The following LRRC4C variants were observed in gnomAD, a reference collection of about 807,000 sequenced individuals.
LRRC4C encodes the protein leucine-rich repeat-containing protein 4C.
LRRC4C carries 5 observed loss-of-function variants against 33.6 expected under a neutral mutation model. The ratio of observed to expected loss-of-function variants is 0.15; its 90% CI spans 0.08 to 0.31. LRRC4C has a LOEUF of 0.31. Ranked by LOEUF, LRRC4C falls within the 10% of genes least tolerant of loss-of-function variation. The pLI, the probability that LRRC4C is intolerant of heterozygous loss-of-function variation, is 1.00. For synonymous variants in LRRC4C, 329 were observed against 302.0 expected (o/e 1.09, Z -0.93); for missense variants, 560 against 796.7 (o/e 0.70, Z 3.58).
intron 3 of LRRC4C, among the ~76,000 whole-genome samples, chr11:40,600,220 G>A (rs1959843653): frequency 6.6e-6 from 1 of 152,134 alleles, no homozygotes; most frequent in South Asian, 2.1e-4. Context: ...TTTCTTAACT[G>A]CTTACTGTGT....
chr11:40,724,181 A>C (rs1187295300), intron 2 of LRRC4C, among the ~76,000 whole-genome samples: 1 of 152,216 alleles, frequency 6.6e-6, no homozygotes, highest in Non-Finnish European at 1.5e-5. Flanking sequence ...AACCCCACTG[A>C]CAGCGTTAGA....
intron 3 of LRRC4C, among the ~76,000 whole-genome samples, chr11:40,380,195 T>C (rs1948811496): frequency 6.6e-6 from 1 of 151,486 alleles, no homozygotes; most frequent in Non-Finnish European, 1.5e-5. Context: ...GAGTAGGGAG[T>C]TTTAAGGAAA....
chr11:41,036,852 C>CG (rs1243502291), intron 1 of LRRC4C, among the ~76,000 whole-genome samples: 1 of 152,042 alleles, frequency 6.6e-6, no homozygotes, highest in Non-Finnish European at 1.5e-5. Context: ...TTTTCACTAG[C>CG]GGGGGAAGGT....
At chr11:40,631,127 T>C (rs1185424855) in intron 3 of LRRC4C, among the ~76,000 whole-genome samples, 2 of 152,222 alleles carry the variant, frequency 1.3e-5, no homozygotes, top group African/African-American at 2.4e-5. Flanking sequence ...GCACTTCCAC[T>C]GTAGAGAGAA....
At chr11:41,419,509 A>G (rs1037007509) in intron 1 of LRRC4C, among the ~76,000 whole-genome samples, 1 of 151,930 alleles carries the variant, frequency 6.6e-6, no homozygotes, top group Admixed American at 6.6e-5. Context: ...ATAAGACACC[A>G]GACAAATGGC....
chr11:41,156,608 A>C (rs1944242679), intron 1 of LRRC4C, among the ~76,000 whole-genome samples: 1 of 152,122 alleles, frequency 6.6e-6, no homozygotes, highest in African/African-American at 2.4e-5. Context: ...AAAGTGCCCT[A>C]GAGCTTATAT....
At chr11:41,373,678 T>G (rs1465864012) in intron 1 of LRRC4C, among the ~76,000 whole-genome samples, 1 of 152,164 alleles carries the variant, frequency 6.6e-6, no homozygotes. Flanking sequence ...AATTTCAGAA[T>G]TCTAAAAATA....
intron 3 of LRRC4C, among the ~76,000 whole-genome samples, chr11:40,519,987 G>C (rs1381922349): frequency 6.6e-6 from 1 of 152,148 alleles, no homozygotes; most frequent in Non-Finnish European, 1.5e-5. Context: ...ATGATACAGA[G>C]AACTCAAGAT....
chr11:40,382,684 A>ATTTT lies in LRRC4C; in HGVS notation c.-269-62967_-269-62964dup, dbSNP rs35200000. Among the ~76,000 whole-genome samples, 90 of 65,566 alleles carry ATTTT rather than the reference A, an allele frequency of 1.4e-3. 6 individuals carry two copies. The highest frequency in any genetic ancestry group is 5.4e-3 in the African/African-American group (85 of 15,672). 43.0% of individuals were successfully genotyped at this position (65,566 alleles called of 152,430 possible). ...TTTTGCACAACTAAAACTTGTACTCATTTTTTTTTTTTTTTTTTTTTTTTT... is the reference window on the plus strand; with the variant it reads ...TTTTGCACAACTAAAACTTGTACTCATTTTTTTTTTTTTTTTTTTTTTTTTTTTT... On this transcript the variant is annotated intron_variant, in intron 3 of 6. Transcript: ENST00000528697.
At chr11:40,872,353 T>C (rs1338578062) in intron 2 of LRRC4C, among the ~76,000 whole-genome samples, 1 of 151,970 alleles carries the variant, frequency 6.6e-6, no homozygotes, top group Non-Finnish European at 1.5e-5. Flanking sequence ...TGCTTGTCAA[T>C]TTAATTCTAT....
At chr11:40,373,250 C>T (rs1948529725) in intron 3 of LRRC4C, among the ~76,000 whole-genome samples, 1 of 152,028 alleles carries the variant, frequency 6.6e-6, no homozygotes, top group Non-Finnish European at 1.5e-5. Context: ...GTCTTCTTGA[C>T]CTCGGGGTAA....
At chr11:41,139,356 T>G (rs527362007) in intron 1 of LRRC4C, among the ~76,000 whole-genome samples, 2 of 152,330 alleles carry the variant, frequency 1.3e-5, no homozygotes, top group African/African-American at 4.8e-5. Context: ...AACCAAAGCA[T>G]GTCATTTGAT....
intron 1 of LRRC4C, among the ~76,000 whole-genome samples, chr11:40,975,802 T>C (rs116743994): frequency 0.014 from 2,142 of 152,298 alleles, 57 homozygotes; most frequent in African/African-American, 0.049. Context: ...TTATATAAAA[T>C]ATGTTCCCTC....
chr11:40,524,329 T>A (rs969633158), intron 3 of LRRC4C, among the ~76,000 whole-genome samples: 2 of 152,162 alleles, frequency 1.3e-5, no homozygotes, highest in African/African-American at 4.8e-5. Flanking sequence ...CCACAGTAGA[T>A]GAAGAGCTAG....
At chr11:40,252,316 C>T (rs1226508205) in intron 4 of LRRC4C, among the ~76,000 whole-genome samples, 1 of 151,900 alleles carries the variant, frequency 6.6e-6, no homozygotes, top group South Asian at 2.1e-4. Context: ...CACACACACA[C>T]AACCCTAACA....
At chr11:41,352,995 T>G (rs1287792181) in intron 1 of LRRC4C, among the ~76,000 whole-genome samples, 1 of 151,976 alleles carries the variant, frequency 6.6e-6, no homozygotes, top group African/African-American at 2.4e-5. Flanking sequence ...ACCCCAATGC[T>G]AGCAGACTTT....
intron 3 of LRRC4C, among the ~76,000 whole-genome samples, chr11:40,385,686 G>A (rs978050773): frequency 2.0e-5 from 3 of 151,896 alleles, no homozygotes; most frequent in Non-Finnish European, 2.9e-5. Flanking sequence ...GGCCAACATG[G>A]TGAAACCCAG....
At chr11:40,877,642 A>C (rs890564668) in intron 2 of LRRC4C, among the ~76,000 whole-genome samples, 1 of 152,074 alleles carries the variant, frequency 6.6e-6, no homozygotes, top group Admixed American at 6.6e-5. Context: ...CTCTTCACCA[A>C]CCGTAAAGGG....
rs140146584 is a variant in LRRC4C, at chr11:40,233,511, T to C, written c.-96+8008A>G. ...TTTAGAAAAGGCAAGATAGAGATCC[T>C]AGACGCAGAGAGCTGATATTTTGAT... On this transcript the variant is annotated intron_variant, in intron 5 of 6. Transcript: ENST00000528697. 3.7e-3 allele frequency among the ~76,000 whole-genome samples: 568 copies of C among 152,294 alleles called. 3 individuals are homozygous for C. The highest frequency in any genetic ancestry group is 0.013 in the African/African-American group (540 of 41,572).
Sources: allele counts gnomAD v4.1 joint callset (sites outside exome capture counted in the v4.1 genomes callset), GRCh38; gene constraint gnomAD v4.1.1; transcripts MANE v1.5; gene names NCBI Gene and HGNC (gene_info 2026-07-23, HGNC 2026-07-21).